EXOC4: variants seen among roughly 807,000 people sequenced by gnomAD.
The protein encoded by EXOC4 is exocyst complex component 4, also known as SEC8-like 1.
A neutral mutation model predicts 107.2 loss-of-function variants in EXOC4; 71 were observed. The observed-to-expected ratio is 0.66, with a 90% CI of 0.55 to 0.81. The LOEUF (loss-of-function observed/expected upper bound fraction) is 0.81, where lower values mean the gene tolerates loss of function less well. Among genes scored for constraint, EXOC4 ranks in the 30% least tolerant of loss-of-function variants. The pLI is 0.00. For synonymous variants in EXOC4, 456 were observed against 441.2 expected, an observed-to-expected ratio of 1.03 and a Z score of -0.42; for missense variants, 1,108 against 1,189.6, an observed-to-expected ratio of 0.93 and a Z score of 1.01.
At chr7:133,422,311 G>C (rs1358403372) in intron 7 of EXOC4, among the ~76,000 whole-genome samples, 1 of 152,150 alleles carries the variant, frequency 6.6e-6, no homozygotes, top group Non-Finnish European at 1.5e-5. Flanking sequence ...GAAGTTATTT[G>C]ATTTCTTGAT....
At chr7:133,945,031 A>G (rs1353438610) in intron 14 of EXOC4, among the ~76,000 whole-genome samples, 2 of 152,186 alleles carry the variant, frequency 1.3e-5, no homozygotes, top group East Asian at 1.9e-4. Flanking sequence ...GCTTCCTGAG[A>G]TAAGTCCTTT....
chr7:133,762,604 A>G (rs930436615), intron 10 of EXOC4, among the ~76,000 whole-genome samples: 1 of 152,162 alleles, frequency 6.6e-6, no homozygotes, highest in Non-Finnish European at 1.5e-5. Flanking sequence ...TATGTTCACA[A>G]TTTGTTTATA....
Position 133,446,493 on chromosome 7 carries a change from G to T in EXOC4, c.1183-28835G>T, listed in dbSNP as rs546136574. ...ACTGTTAGCTAGTGAAAACATGCCA[G>T]CTTATAACTTGGCAAGATTACTCTG... is the stretch of plus-strand genomic sequence containing the variant. On this transcript the variant is annotated intron_variant, in intron 7 of 17. Coordinates refer to ENST00000253861, the MANE Select transcript of EXOC4 (RefSeq NM_021807.4). Among the ~76,000 whole-genome samples the T allele has an allele frequency of 2.6e-5, 4 of 152,246 alleles. No individual in the cohort carries two copies. In the East Asian group the frequency reaches 5.8e-4, roughly 22 times the overall value.
chr7:134,030,379 G>A (rs1051904072), intron 17 of EXOC4, among the ~76,000 whole-genome samples: 1 of 152,186 alleles, frequency 6.6e-6, no homozygotes, highest in African/African-American at 2.4e-5. Context: ...TATCCATGCA[G>A]CAGAATATTA....
At chr7:133,616,649 AAG>A (rs981600967) in intron 9 of EXOC4, among the ~76,000 whole-genome samples, 5 of 152,266 alleles carry the variant, frequency 3.3e-5, no homozygotes, top group Non-Finnish European at 7.4e-5. Flanking sequence ...TTAGAAAACA[AAG>A]AGAGTATCAA....
At chr7:133,369,527 C>G (rs1344170631) in intron 6 of EXOC4, among the ~76,000 whole-genome samples, 1 of 152,064 alleles carries the variant, frequency 6.6e-6, no homozygotes, top group East Asian at 1.9e-4. Flanking sequence ...CTGCAATGTT[C>G]CCTGGCTTCC....
At position 133,253,185 on chromosome 7, in the gene EXOC4, C is replaced by G. The variant is rs1794930623; in HGVS notation, c.84C>G (p.Ile28Met). 2 of 1,613,768 alleles carry G rather than the reference C, an allele frequency of 1.2e-6. No homozygotes were observed. The highest frequency in any genetic ancestry group is 1.3e-5 in the African/African-American group (1 of 74,874). ...CCTCGGGGCTGCTCATCTCTGTGAT[C>G]AGGTGAGGGAGGCAGGAGGCAGGGT... The part of the protein sequence containing the change: ...KDPSGLLISV[I>M]RTLSTSDDVE... Residue 28 changes from isoleucine to methionine, a missense_variant and splice_region_variant, in exon 1 of 18, where the codon ATC becomes ATG. Physicochemically the swap from Ile to Met is conservative, Grantham distance 10. Transcript: ENST00000253861.
At chr7:133,286,264 T>C (rs1794274469) in intron 2 of EXOC4, among the ~76,000 whole-genome samples, 1 of 152,178 alleles carries the variant, frequency 6.6e-6, no homozygotes, top group African/African-American at 2.4e-5. Flanking sequence ...TCTATTGGAG[T>C]TTTAAAATTT....
chr7:133,332,138 A>G (rs891022164), intron 5 of EXOC4, among the ~76,000 whole-genome samples: 3 of 152,098 alleles, frequency 2.0e-5, no homozygotes, highest in African/African-American at 7.2e-5. Context: ...CTCTTTATTC[A>G]TTTTATTCAT....
intron 14 of EXOC4, among the ~76,000 whole-genome samples, chr7:133,965,294 A>G (rs928272849): frequency 6.6e-6 from 1 of 152,160 alleles, no homozygotes; most frequent in Non-Finnish European, 1.5e-5. Context: ...GTTCACTCTG[A>G]TGATAGTTTC....
chr7:133,552,819 A>G (rs957828916), intron 9 of EXOC4, among the ~76,000 whole-genome samples: 24 of 152,098 alleles, frequency 1.6e-4, no homozygotes, highest in African/African-American at 5.3e-4. Flanking sequence ...TTTCACACTT[A>G]AATGTTTGCC....
At chr7:133,585,946 C>T (rs968036875) in intron 9 of EXOC4, among the ~76,000 whole-genome samples, 45 of 152,102 alleles carry the variant, frequency 3.0e-4, no homozygotes, top group African/African-American at 1.1e-3. Flanking sequence ...CTGCCTGCCT[C>T]GGCCTCCCAG....
intron 3 of EXOC4, among the ~76,000 whole-genome samples, chr7:133,293,095 C>A (rs2150551699): frequency 1.3e-5 from 2 of 152,262 alleles, no homozygotes; most frequent in Middle Eastern, 3.4e-3. Context: ...TAGCTTATTT[C>A]TTTCAACAAC....
intron 3 of EXOC4, among the ~76,000 whole-genome samples, chr7:133,295,675 G>A (rs1173750556): frequency 6.6e-6 from 1 of 152,152 alleles, no homozygotes; most frequent in Non-Finnish European, 1.5e-5. Flanking sequence ...ATTTGTGTCA[G>A]TAAAGCTGTG....
the EXOC4 span, among the ~76,000 whole-genome samples, chr7:134,076,618 C>G: frequency 6.6e-5 from 10 of 151,304 alleles, no homozygotes; most frequent in East Asian, 1.4e-3. Context: ...ATATATATCT[C>G]TCTTTAACAT....
intron 4 of EXOC4, among the ~76,000 whole-genome samples, chr7:133,316,473 G>T (rs1004639541): frequency 6.6e-6 from 1 of 152,180 alleles, no homozygotes; most frequent in South Asian, 2.1e-4. Flanking sequence ...TCCATTTCTT[G>T]AGAGCAGGGC....
chr7:133,512,609 G>A (rs1001351691), intron 9 of EXOC4, among the ~76,000 whole-genome samples: 1 of 152,160 alleles, frequency 6.6e-6, no homozygotes. Context: ...AGATCAATGC[G>A]CACAAGAAAT....
chr7:133,574,801 C>T (rs372878673), intron 9 of EXOC4, among the ~76,000 whole-genome samples: 3 of 152,164 alleles, frequency 2.0e-5, no homozygotes, highest in African/African-American at 7.2e-5. Context: ...CAGATACATC[C>T]GAAAAGTTGT....
intron 10 of EXOC4, among the ~76,000 whole-genome samples, chr7:133,712,166 G>A (rs992907536): frequency 7.2e-5 from 11 of 152,056 alleles, no homozygotes; most frequent in Non-Finnish European, 1.6e-4. Context: ...CTGGCCGGAC[G>A]CAGTGGCTCA....
Sources: gnomAD v4.1 joint callset for allele counts (sites outside exome capture counted in the v4.1 genomes callset) on GRCh38, gnomAD v4.1.1 for gene constraint, MANE v1.5 for transcripts, NCBI Gene and HGNC (gene_info 2026-07-23, HGNC 2026-07-21) for gene names.